Variants in DGKB observed in about 807,000 individuals in gnomAD.
DGKB encodes 90 kDa diacylglycerol kinase.
Under a neutral mutation model 114.3 loss-of-function variants are expected in DGKB, and 67 were observed. The observed-to-expected ratio is 0.59, with a 90% CI of 0.48 to 0.72. DGKB has a LOEUF of 0.72. Ranked by LOEUF, DGKB falls within the 30% of genes least tolerant of loss-of-function variation. The pLI, the probability that DGKB is intolerant of heterozygous loss-of-function variation, is 0.00. For synonymous variants in DGKB, 398 were observed against 323.1 expected, an observed-to-expected ratio of 1.23 and a Z score of -2.49; for missense variants, 907 against 975.2, an observed-to-expected ratio of 0.93 and a Z score of 0.93.
At chr7:14,966,566 C>T (rs538691957) in intron 1 of DGKB, among the ~76,000 whole-genome samples, 82 of 152,074 alleles carry the variant, frequency 5.4e-4, no homozygotes, top group Non-Finnish European at 1.0e-3. Context: ...AGCGTCCTAA[C>T]GTGCTGAGAT....
rs994437095 is a variant in DGKB at position 14,466,808 on chromosome 7, C to T, written c.1835+11353G>A. Among the ~76,000 whole-genome samples, 7 of 152,114 alleles carry T rather than the reference C, an allele frequency of 4.6e-5. No individual in the cohort carries two copies. In the South Asian group the frequency reaches 6.2e-4, roughly 13 times the overall value. On this transcript the variant is annotated intron_variant, in intron 21 of 25. Transcript: ENST00000402815. ...ACTGCAGCCTGGCGACAGAGCAAGACTCGTCTCAAAATAAATAAATAGCAA... is the reference window on the plus strand; with the variant it reads ...ACTGCAGCCTGGCGACAGAGCAAGATTCGTCTCAAAATAAATAAATAGCAA...
chr7:14,749,417 A>G (rs73064731), intron 4 of DGKB, among the ~76,000 whole-genome samples: 2,605 of 152,290 alleles, frequency 0.017, 62 homozygotes, highest in African/African-American at 0.054. Context: ...CATTAACTCT[A>G]CCTTTACCTA....
At chr7:14,176,722 G>GACTAC in intron 25 of DGKB, 117 bp downstream of exon 25, 1 of 1,527,376 alleles carries the variant, frequency 6.5e-7, no homozygotes, top group East Asian at 2.3e-5. Context: ...ACAACAAAAA[G>GACTAC]ACTATTTGCT....
intron 4 of DGKB, among the ~76,000 whole-genome samples, chr7:14,748,614 A>G (rs1723245): frequency 0.36 from 54,108 of 151,944 alleles, 13,334 homozygotes; most frequent in African/African-American, 0.69. Flanking sequence ...AAGCTGTGGC[A>G]ATGTGTGGAC....
chr7:14,532,063 C>T (rs769041376), intron 20 of DGKB, among the ~76,000 whole-genome samples: 5 of 151,240 alleles, frequency 3.3e-5, no homozygotes, highest in Non-Finnish European at 5.9e-5. Context: ...GTTCTCAGAA[C>T]TATATCCATA....
At chr7:14,448,665 A>G (rs1317764818) in intron 21 of DGKB, among the ~76,000 whole-genome samples, 1 of 152,102 alleles carries the variant, frequency 6.6e-6, no homozygotes, top group Non-Finnish European at 1.5e-5. Context: ...TTTACTTTTC[A>G]TAACAACTTT....
intron 23 of DGKB, among the ~76,000 whole-genome samples, chr7:14,248,491 T>C (rs1306207228): frequency 6.6e-6 from 1 of 152,136 alleles, no homozygotes; most frequent in Non-Finnish European, 1.5e-5. Flanking sequence ...AGAACATGGA[T>C]ATTTTTCCAT....
chr7:14,945,793 TTTG>T, intron 1 of DGKB, among the ~76,000 whole-genome samples: 1 of 151,836 alleles, frequency 6.6e-6, no homozygotes, highest in Non-Finnish European at 1.5e-5. Context: ...TTATTGTACT[TTTG>T]TTATTATTTA....
intron 23 of DGKB, among the ~76,000 whole-genome samples, chr7:14,267,921 A>T (rs1797745543): frequency 6.6e-6 from 1 of 152,176 alleles, no homozygotes; most frequent in African/African-American, 2.4e-5. Flanking sequence ...ATTTTAGAAC[A>T]ATTCTACTAA....
chr7:14,669,739 C>A (rs965434017), intron 13 of DGKB, among the ~76,000 whole-genome samples: 5 of 152,048 alleles, frequency 3.3e-5, no homozygotes, highest in African/African-American at 1.2e-4. Context: ...CAGACCAGAC[C>A]AAACCAAAAT....
chr7:14,791,513 CT>C (rs1840661727), intron 2 of DGKB, among the ~76,000 whole-genome samples: 1 of 139,230 alleles, frequency 7.2e-6, no homozygotes, highest in Admixed American at 7.1e-5. Context: ...GCAGAAAAGC[CT>C]TCTTTTACCA....
intron 20 of DGKB, among the ~76,000 whole-genome samples, chr7:14,485,309 G>A (rs925812785): frequency 6.7e-6 from 1 of 148,974 alleles, no homozygotes; most frequent in African/African-American, 2.4e-5. Context: ...AGGTGTGTGT[G>A]TGTGTGTGTG....
chr7:14,690,822 A>G (rs1031480880), intron 9 of DGKB, among the ~76,000 whole-genome samples: 4 of 152,260 alleles, frequency 2.6e-5, no homozygotes, highest in East Asian at 1.9e-4. Context: ...TTAAAAAACA[A>G]TTCTCCAATG....
At chr7:14,763,880 A>C (rs1283902256) in intron 2 of DGKB, among the ~76,000 whole-genome samples, 1 of 152,042 alleles carries the variant, frequency 6.6e-6, no homozygotes, top group African/African-American at 2.4e-5. Flanking sequence ...TTTAACCAAA[A>C]TAGTGCCATG....
Position 14,967,677 on chromosome 7 carries a change from T to G in DGKB, c.-188+7019A>C, listed in dbSNP as rs866788635. ...TAAAAAAAAAAAAAAAAAAAAAAAG[T>G]CTTTCATAATTAAAAACAAAACTTT... is the stretch of plus-strand genomic sequence containing the variant. On this transcript the variant is annotated intron_variant, in intron 1 of 4. Transcript: ENST00000437998. Among the ~76,000 whole-genome samples the G allele has an allele frequency of 4.8e-4, 69 of 143,352 alleles. 1 individual carries two copies. In the South Asian group the frequency reaches 7.7e-3, roughly 16 times the overall value. The allele number at this position is 143,352 out of a possible 152,430, so 94.0% of individuals were successfully genotyped here.
chr7:14,581,018 GA>G lies in DGKB; in HGVS notation c.1520-68del, dbSNP rs1799854674. 4.5e-6 allele frequency: 5 copies of G among 1,115,486 alleles called. No homozygotes were observed. In the East Asian group the frequency reaches 1.3e-4, roughly 28 times the overall value. 69.1% of individuals were successfully genotyped at this position (1,115,486 alleles called of 1,614,324 possible). ...TCAGATAAAACGACGGAAATAAAAA[GA>G]TAGCCTGATGACATTAAATGAAGGA... On this transcript the variant is annotated intron_variant, in intron 18 of 25. Coordinates refer to ENST00000402815, the MANE Select transcript of DGKB (RefSeq NM_001350709.2).
chr7:14,444,501 T>C (rs1431516), intron 21 of DGKB, among the ~76,000 whole-genome samples: 2,917 of 151,948 alleles, frequency 0.019, 77 homozygotes, highest in African/African-American at 0.067. Context: ...CTCCAACAGT[T>C]ACAAGTTTTG....
At chr7:14,599,504 T>C (rs560749525) in intron 17 of DGKB, among the ~76,000 whole-genome samples, 1 of 152,322 alleles carries the variant, frequency 6.6e-6, no homozygotes, top group South Asian at 2.1e-4. Flanking sequence ...GACAATGAGC[T>C]ACCTCCTCAT....
chr7:14,679,621 C>G (rs1302223129), intron 12 of DGKB, among the ~76,000 whole-genome samples: 2 of 152,052 alleles, frequency 1.3e-5, no homozygotes, highest in South Asian at 2.1e-4. Context: ...CTTTCTGAAG[C>G]CAGCACTGGC....
Sources: gnomAD v4.1 joint callset for allele counts (sites outside exome capture counted in the v4.1 genomes callset) on GRCh38, gnomAD v4.1.1 for gene constraint, MANE v1.5 for transcripts, NCBI Gene and HGNC (gene_info 2026-07-23, HGNC 2026-07-21) for gene names.